GSE1: variants seen among roughly 807,000 people sequenced by gnomAD.
GSE1 encodes the protein Gse1 coiled-coil protein, also known as genetic suppressor element 1.
A neutral mutation model predicts 112.6 loss-of-function variants in GSE1; 32 were observed. The ratio of observed to expected loss-of-function variants is 0.28; its 90% CI spans 0.21 to 0.38. The LOEUF is 0.38. GSE1 is among the 10% of genes least tolerant of loss of function. The probability of loss-of-function intolerance (pLI) is 1.00; values close to 1 mark genes in which losing one functional copy is unlikely to be tolerated. For synonymous variants in GSE1, 1,115 were observed against 735.6 expected (o/e 1.52, Z -8.35); for missense variants, 2,348 against 1,699.2 (o/e 1.38, Z -6.71).
chr16:85,185,167 G>A (rs1158058545), intron 1 of GSE1: 2 of 152,212 alleles, frequency 1.3e-5, no homozygotes, highest in African/African-American at 4.8e-5. Flanking sequence ...ATCTCTGGCA[G>A]CATCTTTGTC....
chr16:85,396,284 C>T (rs187304914), intron 2 of GSE1, among the ~76,000 whole-genome samples: 98 of 152,298 alleles, frequency 6.4e-4, no homozygotes, highest in Non-Finnish European at 1.2e-3. Context: ...GGCACTGGGG[C>T]GGGGGGAGTT....
At chr16:85,248,130 G>A (rs1296932691) in intron 1 of GSE1, among the ~76,000 whole-genome samples, 1 of 152,174 alleles carries the variant, frequency 6.6e-6, no homozygotes, top group East Asian at 1.9e-4. Flanking sequence ...AGAAGGATGG[G>A]CAGGACCCTG....
intron 1 of GSE1, among the ~76,000 whole-genome samples, chr16:85,246,486 CACA>C (rs1905823097): frequency 1.6e-5 from 2 of 127,120 alleles, no homozygotes; most frequent in Non-Finnish European, 3.5e-5. Flanking sequence ...CACACACACA[CACA>C]CACTCTACAC....
intron 2 of GSE1, among the ~76,000 whole-genome samples, chr16:85,642,021 C>A (rs1272815545): frequency 6.6e-6 from 1 of 152,284 alleles, no homozygotes; most frequent in African/African-American, 2.4e-5. Context: ...CCTGCCCCGC[C>A]CTCCCTCCAG....
At chr16:85,571,113 T>G (rs1420803215) in intron 1 of GSE1, among the ~76,000 whole-genome samples, 2 of 151,860 alleles carry the variant, frequency 1.3e-5, no homozygotes, top group African/African-American at 4.8e-5. Context: ...AAAGGGGAGG[T>G]TCGGATTCAG....
At chr16:85,622,819 C>T (rs1290960562) in intron 1 of GSE1, among the ~76,000 whole-genome samples, 1 of 152,314 alleles carries the variant, frequency 6.6e-6, no homozygotes, top group East Asian at 1.9e-4. Context: ...GTTACACCCT[C>T]ATGGAGTTAC....
At chr16:85,316,503 G>C (rs148948401) in intron 1 of GSE1, among the ~76,000 whole-genome samples, 91 of 152,322 alleles carry the variant, frequency 6.0e-4, no homozygotes, top group African/African-American at 2.2e-3. Flanking sequence ...CCGGTGAAGA[G>C]CGCTCCAGCA....
chr16:85,462,187 T>C (rs2049986683), intron 2 of GSE1, among the ~76,000 whole-genome samples: 1 of 151,990 alleles, frequency 6.6e-6, no homozygotes, highest in South Asian at 2.1e-4. Context: ...GAGCACACGG[T>C]GTCAGGAGGT....
intron 1 of GSE1, among the ~76,000 whole-genome samples, chr16:85,324,520 A>G (rs988704250): frequency 2.0e-5 from 3 of 152,046 alleles, no homozygotes; most frequent in Admixed American, 2.0e-4. Context: ...AAAAAAAAAA[A>G]AAAAAAGAAA....
intron 1 of GSE1, among the ~76,000 whole-genome samples, chr16:85,588,246 C>T (rs939365214): frequency 5.9e-5 from 9 of 152,368 alleles, no homozygotes; most frequent in South Asian, 4.1e-4. Context: ...CTTCCCAGAA[C>T]GCTGCATTCC....
chr16:85,665,994 C>G lies in GSE1; in HGVS notation c.2777C>G (p.Ala926Gly), dbSNP rs762479142. The G allele has an allele frequency of 1.9e-6, 3 of 1,613,342 alleles. No individual in the cohort carries two copies. Among genetic ancestry groups the G allele is most frequent in the East Asian group, 2.2e-5 (1 of 44,896 alleles). Reference protein sequence around the residue: ...VSLSEPATQQASLDVEKPVGV... With the variant: ...VSLSEPATQQGSLDVEKPVGV... The stretch of plus-strand genomic sequence containing the variant: ...CTAAAAGAACCAGCCACGCAGCAAG[C>G]CTCTCTGGATGTGGAGAAGCCGGTT... Residue 926 changes from alanine to glycine, a missense_variant, in exon 13 of 16, where the codon GCC becomes GGC. Ala to Gly is a moderately conservative substitution (Grantham distance 60). Coordinates refer to ENST00000253458, the MANE Select transcript of GSE1 (RefSeq NM_014615.5).
intron 1 of GSE1, among the ~76,000 whole-genome samples, chr16:85,292,233 G>A (rs1567668005): frequency 6.6e-6 from 1 of 151,858 alleles, no homozygotes; most frequent in Non-Finnish European, 1.5e-5. Context: ...CCGCCTCCTG[G>A]GTTAAAGCAA....
intron 2 of GSE1, among the ~76,000 whole-genome samples, chr16:85,465,929 C>G (rs1275032334): frequency 6.6e-6 from 1 of 152,228 alleles, no homozygotes; most frequent in African/African-American, 2.4e-5. Flanking sequence ...GCACTTTGTT[C>G]TAATGATTAG....
At chr16:85,259,815 G>C (rs59087362) in intron 1 of GSE1, among the ~76,000 whole-genome samples, 20,627 of 152,248 alleles carry the variant, frequency 0.14, 1,798 homozygotes, top group African/African-American at 0.24. Flanking sequence ...GGCGCATGGG[G>C]CATGGCACTG....
intron 1 of GSE1, among the ~76,000 whole-genome samples, chr16:85,564,682 G>A (rs1371298790): frequency 1.3e-5 from 2 of 152,198 alleles, no homozygotes; most frequent in African/African-American, 4.8e-5. Flanking sequence ...TCCTTCAGAG[G>A]CACCATGGGG....
chr16:85,576,844 T>TG (rs1413432943), intron 1 of GSE1, among the ~76,000 whole-genome samples: 1 of 152,112 alleles, frequency 6.6e-6, no homozygotes, highest in Admixed American at 6.5e-5. Context: ...GCAAAGCCTG[T>TG]GGATTAGACA....
intron 8 of GSE1, among the ~76,000 whole-genome samples, chr16:85,658,892 T>C (rs902050325): frequency 5.9e-5 from 9 of 152,274 alleles, no homozygotes; most frequent in African/African-American, 2.2e-4. Context: ...AGCTGCCCCA[T>C]CCGGACCTGG....
chr16:85,580,970 T>A (rs983759790), intron 1 of GSE1, among the ~76,000 whole-genome samples: 1 of 152,368 alleles, frequency 6.6e-6, no homozygotes, highest in South Asian at 2.1e-4. Flanking sequence ...TTTTGTTTGG[T>A]AGCCTGAGCA....
intron 2 of GSE1, among the ~76,000 whole-genome samples, chr16:85,475,461 C>G (rs2050423365): frequency 6.6e-6 from 1 of 152,246 alleles, no homozygotes; most frequent in South Asian, 2.1e-4. Flanking sequence ...GGCAGGCTGT[C>G]CCTCCAGCCT....
Sources: allele counts gnomAD v4.1 joint callset (sites outside exome capture counted in the v4.1 genomes callset), GRCh38; gene constraint gnomAD v4.1.1; transcripts MANE v1.5; gene names NCBI Gene and HGNC (gene_info 2026-07-23, HGNC 2026-07-21).